The following NUDT3 variants were observed in gnomAD, a reference collection of about 807,000 sequenced individuals.
NUDT3 encodes nudix hydrolase 3.
In NUDT3, 9 loss-of-function variants were observed where a neutral mutation model predicts 23.6. The observed-to-expected ratio is 0.38, with a 90% CI of 0.23 to 0.66. The LOEUF is 0.66. NUDT3 is among the 30% of genes least tolerant of loss of function. The pLI is 0.52. For missense variants in NUDT3, 172 were observed against 218.5 expected (o/e 0.79, Z 1.34); for synonymous variants, 86 against 82.6 (o/e 1.04, Z -0.22).
At chr6:34,366,389 AAGAG>A (rs1764730197) in intron 1 of NUDT3, among the ~76,000 whole-genome samples, 1 of 149,804 alleles carries the variant, frequency 6.7e-6, no homozygotes, top group Non-Finnish European at 1.5e-5. Flanking sequence ...AAGAAAAGAA[AAGAG>A]AGAAAGAAAG....
At chr6:34,316,815 C>T (rs540681737) in intron 2 of NUDT3, among the ~76,000 whole-genome samples, 4 of 152,232 alleles carry the variant, frequency 2.6e-5, no homozygotes, top group African/African-American at 4.8e-5. Context: ...CAGAGGGAGA[C>T]AGATCATAGG....
At chr6:34,318,112 C>T (rs573822109) in intron 2 of NUDT3, among the ~76,000 whole-genome samples, 130 of 152,178 alleles carry the variant, frequency 8.5e-4, no homozygotes, top group Non-Finnish European at 1.4e-3. Context: ...TTTCCTTGTA[C>T]CCAAGGAGAA....
In NUDT3 at chr6:34,294,891, C is replaced by T. The variant is rs557369115; in HGVS notation, c.255+750G>A. ...ATCTTCCTGTGTCAGCTTCCCAAAA[C>T]GCTGGGATTATAGGTGTGAGCCACC... On this transcript the variant is annotated intron_variant, in intron 3 of 4. Transcript: ENST00000607016. Among the ~76,000 whole-genome samples, 8 of 152,182 alleles carry T rather than the reference C, an allele frequency of 5.3e-5. 1 individual carries two copies. Among genetic ancestry groups the T allele is most frequent in the South Asian group, 2.1e-4 (1 of 4,816 alleles).
intron 2 of NUDT3, among the ~76,000 whole-genome samples, chr6:34,340,640 T>C (rs1764273955): frequency 2.0e-5 from 3 of 152,220 alleles, no homozygotes; most frequent in Admixed American, 2.0e-4. Context: ...TCTCTGTCAA[T>C]GTTTATCACT....
At chr6:34,392,038 C>A (rs911791191) in intron 1 of NUDT3, among the ~76,000 whole-genome samples, 6 of 152,238 alleles carry the variant, frequency 3.9e-5, no homozygotes, top group Non-Finnish European at 8.8e-5. Flanking sequence ...CCGGCTACCC[C>A]CTCCGCCCGG....
At chr6:34,321,608 T>C (rs972246606) in intron 2 of NUDT3, among the ~76,000 whole-genome samples, 2 of 152,148 alleles carry the variant, frequency 1.3e-5, no homozygotes, top group African/African-American at 2.4e-5. Flanking sequence ...TCGCTTATTA[T>C]TTCTTCTCTG....
rs149343137 is a variant in NUDT3 at position 34,289,454 on chromosome 6, C to A, written c.341-523G>T. On this transcript the variant is annotated intron_variant, in intron 4 of 4. Coordinates refer to ENST00000607016, the MANE Select transcript of NUDT3 (RefSeq NM_006703.4). ...TGGTAGCATGTGCCTGTACTCCCAG[C>A]TACCCAGGAGGCTGAGGTGGGAGGA... Among the ~76,000 whole-genome samples the A allele has an allele frequency of 3.1e-3, 465 of 152,318 alleles. 1 individual carries two copies. Among genetic ancestry groups the A allele is most frequent in the African/African-American group, 0.01 (433 of 41,568 alleles).
intron 1 of NUDT3, among the ~76,000 whole-genome samples, chr6:34,391,287 CCTT>C (rs781144388): frequency 6.6e-6 from 1 of 152,152 alleles, no homozygotes; most frequent in Non-Finnish European, 1.5e-5. Flanking sequence ...ATTTCACTGT[CCTT>C]CATTGTTTCC....
chr6:34,299,423 T>C lies in NUDT3; in HGVS notation c.211-3738A>G, dbSNP rs1000707183. Among the ~76,000 whole-genome samples, 9 of 152,160 alleles carry C rather than the reference T, an allele frequency of 5.9e-5. No individual in the cohort carries two copies. The East Asian group carries it at 9.7e-4, about 16-fold the overall frequency. The stretch of plus-strand genomic sequence containing the variant: ...TGGTTAACAAAAATAATCTGAACAA[T>C]TGCCTACCCTTTTTCTTTTTTTTAA... On this transcript the variant is annotated intron_variant, in intron 2 of 4. Coordinates refer to ENST00000607016, the MANE Select transcript of NUDT3 (RefSeq NM_006703.4).
At chr6:34,295,733 G>A in intron 2 of NUDT3, 48 bp from the exon 3 acceptor site, 1 of 1,605,404 alleles carries the variant, frequency 6.2e-7, no homozygotes, top group Non-Finnish European at 8.5e-7. Context: ...TTATATTGCT[G>A]GTCTCATTCT....
At chr6:34,308,255 T>G (rs1485203335) in intron 2 of NUDT3, among the ~76,000 whole-genome samples, 1 of 148,322 alleles carries the variant, frequency 6.7e-6, no homozygotes, top group Admixed American at 6.7e-5. Flanking sequence ...CCTAGAAATT[T>G]GAGATCAGCC....
rs1283270796 is a variant in NUDT3 at position 34,286,288 on chromosome 6, T to A, written c.*2465A>T. On this transcript the variant is annotated 3_prime_UTR_variant, in exon 5 of 5. Transcript: ENST00000607016. Reference sequence around the variant, plus strand: ...TAGAGATGGGGTTTTGCCATGTTGGTCAGGCTGGTCTCAAACTCCTGGCCT... The same window carrying A: ...TAGAGATGGGGTTTTGCCATGTTGGACAGGCTGGTCTCAAACTCCTGGCCT... 5.9e-5 allele frequency: 9 copies of A among 151,932 alleles called. No homozygotes were observed. The highest frequency in any genetic ancestry group is 5.9e-4 in the Admixed American group (9 of 15,226). The allele number at this position is 151,932 out of a possible 1,614,324, so 9.4% of individuals were successfully genotyped here.
At chr6:34,294,114 G>A (rs1442479552) in intron 3 of NUDT3, among the ~76,000 whole-genome samples, 2 of 152,124 alleles carry the variant, frequency 1.3e-5, no homozygotes, top group African/African-American at 2.4e-5. Flanking sequence ...TCAGCTTCTT[G>A]AGTAGCTGGT....
At chr6:34,335,711 T>C (rs183201684) in intron 2 of NUDT3, among the ~76,000 whole-genome samples, 1 of 149,058 alleles carries the variant, frequency 6.7e-6, no homozygotes, top group African/African-American at 2.5e-5. Context: ...CTTACAGGAG[T>C]TTGTAAAAAA....
chr6:34,333,930 G>A (rs1029834943), intron 2 of NUDT3, among the ~76,000 whole-genome samples: 1 of 152,222 alleles, frequency 6.6e-6, no homozygotes, highest in African/African-American at 2.4e-5. Flanking sequence ...AGACACGTAA[G>A]TTTTGCATAA....
intron 2 of NUDT3, among the ~76,000 whole-genome samples, chr6:34,334,192 C>CCAAA (rs1764171263): frequency 6.6e-6 from 1 of 152,240 alleles, no homozygotes; most frequent in Non-Finnish European, 1.5e-5. Context: ...CCTCACTTAA[C>CCAAA]TGAGGCATTT....
chr6:34,293,503 A>G lies in NUDT3; in HGVS notation c.288T>C (p.Tyr96=). ...NQERKHRTYV[Y]VLIVTEVLED... Reference sequence around the variant, plus strand: ...CCAGCACTTCAGTGACAATGAGCACATAGACATACGTCCTGTGCTTCCTCT... The same window carrying G: ...CCAGCACTTCAGTGACAATGAGCACGTAGACATACGTCCTGTGCTTCCTCT... The change falls in exon 4 of 5, where the codon TAT becomes TAC. Residue 96 remains tyrosine, a synonymous_variant. Transcript: ENST00000607016. 1.2e-6 allele frequency: 2 copies of G among 1,614,244 alleles called. No individual in the cohort carries two copies. The highest frequency in any genetic ancestry group is 1.7e-6 in the Non-Finnish European group (2 of 1,180,030).
chr6:34,387,617 T>C (rs754417702), intron 1 of NUDT3, among the ~76,000 whole-genome samples: 13 of 149,784 alleles, frequency 8.7e-5, no homozygotes, highest in Non-Finnish European at 1.5e-4. Context: ...GAAGGATCAC[T>C]TGAGCCCAGG....
chr6:34,288,668 AG>A lies in NUDT3; in HGVS notation c.*84del. On this transcript the variant is annotated 3_prime_UTR_variant, in exon 5 of 5. Transcript: ENST00000607016. ...CCTTATTTGAAAGAGGAGGCCTGTG[AG>A]AAGTGGAAAGAGCCAGGGTGAGAGG... 1.3e-6 allele frequency: 2 copies of A among 1,503,208 alleles called. No individual in the cohort carries two copies. The highest frequency in any genetic ancestry group is 1.8e-6 in the Non-Finnish European group (2 of 1,124,242). The allele number at this position is 1,503,208 out of a possible 1,614,324, so 93.1% of individuals were successfully genotyped here.
Sources: gnomAD v4.1 joint callset for allele counts (sites outside exome capture counted in the v4.1 genomes callset) on GRCh38, gnomAD v4.1.1 for gene constraint, MANE v1.5 for transcripts, NCBI Gene and HGNC (gene_info 2026-07-23, HGNC 2026-07-21) for gene names.